LINC01488: variants seen among roughly 807,000 people sequenced by gnomAD.
LINC01488 encodes CCND1-upstream intergenic DNA repair 1.
rs529148499 is a variant in LINC01488 at position 69,485,089 on chromosome 11, G to C, written n.122+3306G>C. The stretch of plus-strand genomic sequence containing the variant: ...CAGCATGTCACTGCGTATGGGAAGT[G>C]GGGGGCGGGGTGGAGTTCATGGCCA... On this transcript the variant is annotated intron_variant and non_coding_transcript_variant, in intron 1 of 3. Coordinates refer to ENST00000644563, the Ensembl canonical transcript of LINC01488. Among the ~76,000 whole-genome samples, 6 of 152,274 alleles carry C rather than the reference G, an allele frequency of 3.9e-5. No homozygotes were observed. The South Asian group carries it at 1.2e-3, about 32-fold the overall frequency.
chr11:69,490,442 T>C (rs1464205496), intron 1 of LINC01488: 1 of 152,300 alleles, frequency 6.6e-6, no homozygotes, highest in Non-Finnish European at 1.5e-5. Context: ...GGCTCCCCAG[T>C]GCCTGCAGCA....
chr11:69,488,591 C>T (rs770222175), intron 1 of LINC01488, among the ~76,000 whole-genome samples: 1 of 152,252 alleles, frequency 6.6e-6, no homozygotes, highest in Non-Finnish European at 1.5e-5. Context: ...AGTTAATGGA[C>T]CGGCCCGGGG....
chr11:69,485,157 C>T (rs1193636187), intron 1 of LINC01488, among the ~76,000 whole-genome samples: 2 of 152,178 alleles, frequency 1.3e-5, no homozygotes, highest in Non-Finnish European at 2.9e-5. Flanking sequence ...TCTTACTTGA[C>T]CTCCTAGCAA....
intron 1 of LINC01488, among the ~76,000 whole-genome samples, chr11:69,485,167 AT>A (rs1474083690): frequency 1.3e-5 from 2 of 152,098 alleles, no homozygotes; most frequent in African/African-American, 4.8e-5. Context: ...CCTCCTAGCA[AT>A]TGGGTGATGT....
chr11:69,491,478 GT>G lies in LINC01488; in HGVS notation n.576+40del, dbSNP rs1337558257. Reference sequence around the variant, plus strand: ...AATGAATAGTTTGCTCCAAAAGGCTGTTTGGTAATGGAGTTAGCCTATGGGA... The same window carrying G: ...AATGAATAGTTTGCTCCAAAAGGCTGTTGGTAATGGAGTTAGCCTATGGGA... On this transcript the variant is annotated intron_variant and non_coding_transcript_variant, in intron 3 of 3. Coordinates refer to ENST00000644563, the Ensembl canonical transcript of LINC01488. 2.0e-5 allele frequency: 3 copies of G among 152,294 alleles called. No homozygotes were observed. In the East Asian group the frequency reaches 5.8e-4, roughly 29 times the overall value. 9.4% of individuals were successfully genotyped at this position (152,294 alleles called of 1,614,324 possible).
chr11:69,492,839 G>T (rs563090844), exon 4 of LINC01488: 3 of 152,382 alleles, frequency 2.0e-5, no homozygotes, highest in African/African-American at 7.2e-5. Flanking sequence ...GAGCTGGGAT[G>T]AGAACGCAGC....
chr11:69,482,521 TG>T (rs1226408393), intron 1 of LINC01488, among the ~76,000 whole-genome samples: 1 of 148,540 alleles, frequency 6.7e-6, no homozygotes, highest in Non-Finnish European at 1.5e-5. Flanking sequence ...GATGGACGGA[TG>T]GATGAATGGA....
intron 1 of LINC01488, among the ~76,000 whole-genome samples, chr11:69,489,320 C>G (rs1459456574): frequency 6.6e-6 from 1 of 152,236 alleles, no homozygotes; most frequent in Admixed American, 6.5e-5. Flanking sequence ...ACTCCCAGGT[C>G]TTTCCTTCTG....
intron 1 of LINC01488, among the ~76,000 whole-genome samples, chr11:69,485,160 C>T (rs917389950): frequency 2.6e-5 from 4 of 152,172 alleles, no homozygotes; most frequent in Non-Finnish European, 5.9e-5. Flanking sequence ...TACTTGACCT[C>T]CTAGCAATTG....
At chr11:69,485,024 C>T (rs534751155) in intron 1 of LINC01488, among the ~76,000 whole-genome samples, 1 of 152,294 alleles carries the variant, frequency 6.6e-6, no homozygotes, top group East Asian at 1.9e-4. Flanking sequence ...ACCACCCAAC[C>T]CCCCGCCACC....
intron 1 of LINC01488, among the ~76,000 whole-genome samples, chr11:69,482,209 G>A (rs1160289299): frequency 6.6e-6 from 1 of 152,194 alleles, no homozygotes; most frequent in African/African-American, 2.4e-5. Context: ...AGGCAAGAGA[G>A]CATGTGCAGG....
intron 1 of LINC01488, among the ~76,000 whole-genome samples, chr11:69,483,827 C>CGGCTGG (rs956380866): frequency 4.6e-5 from 7 of 152,132 alleles, no homozygotes; most frequent in African/African-American, 1.7e-4. Context: ...CGGGCCGGCC[C>CGGCTGG]GGCTGGCGGG....
At chr11:69,485,051 C>T (rs865945494) in intron 1 of LINC01488, among the ~76,000 whole-genome samples, 10 of 152,218 alleles carry the variant, frequency 6.6e-5, no homozygotes, top group African/African-American at 1.9e-4. Flanking sequence ...CACCCCACAC[C>T]TTGTCCTGAG....
intron 1 of LINC01488, among the ~76,000 whole-genome samples, chr11:69,487,106 G>A (rs1351113274): frequency 2.0e-5 from 3 of 152,228 alleles, no homozygotes; most frequent in Non-Finnish European, 4.4e-5. Context: ...GCCGCCTCCC[G>A]CAGGCGGAGT....
intron 3 of LINC01488, chr11:69,492,037 G>A (rs1390659459): frequency 6.6e-6 from 1 of 152,318 alleles, no homozygotes; most frequent in Non-Finnish European, 1.5e-5. Flanking sequence ...ATCGGCCACT[G>A]GAAGGATTTT....
intron 1 of LINC01488, among the ~76,000 whole-genome samples, chr11:69,485,182 G>A (rs940984624): frequency 3.9e-5 from 6 of 152,186 alleles, no homozygotes; most frequent in Non-Finnish European, 5.9e-5. Context: ...GTGATGTAGT[G>A]CCCAGGCCAC....
At chr11:69,483,032 A>G (rs1857063747) in intron 1 of LINC01488, among the ~76,000 whole-genome samples, 1 of 152,202 alleles carries the variant, frequency 6.6e-6, no homozygotes. Context: ...TTAAGACTTC[A>G]ACATACGAAT....
chr11:69,489,133 G>A (rs995422984), intron 1 of LINC01488, among the ~76,000 whole-genome samples: 2 of 152,076 alleles, frequency 1.3e-5, no homozygotes, highest in Non-Finnish European at 2.9e-5. Flanking sequence ...CCCTCGGATT[G>A]GGGGGAGCTG....
intron 3 of LINC01488, chr11:69,491,819 G>C (rs1182668758): frequency 1.3e-5 from 2 of 152,572 alleles, no homozygotes; most frequent in African/African-American, 4.8e-5. Flanking sequence ...TCGGGAGCAA[G>C]AGGGCGTTGG....
Sources: allele counts gnomAD v4.1 joint callset (sites outside exome capture counted in the v4.1 genomes callset), GRCh38; gene constraint gnomAD v4.1.1; transcripts MANE v1.5; gene names NCBI Gene and HGNC (gene_info 2026-07-23, HGNC 2026-07-21).